EPHA3: variants seen among roughly 807,000 people sequenced by gnomAD.
EPHA3 encodes EPH receptor A3, also known as ephrin type-A receptor 3.
Under a neutral mutation model 107.1 loss-of-function variants are expected in EPHA3, and 42 were observed. That is an observed-to-expected ratio of 0.39 (90% CI 0.31 to 0.51). The LOEUF (loss-of-function observed/expected upper bound fraction) is 0.51, where lower values mean the gene tolerates loss of function less well. Among genes scored for constraint, EPHA3 ranks in the 20% least tolerant of loss-of-function variants. The pLI is 0.78. For missense variants in EPHA3, 1,183 were observed against 1,211.2 expected (o/e 0.98, Z 0.35); for synonymous variants, 461 against 424.8 (o/e 1.09, Z -1.05).
intron 13 of EPHA3, among the ~76,000 whole-genome samples, chr3:89,446,687 C>CT (rs542943619): frequency 0.011 from 1,689 of 147,706 alleles, 34 homozygotes; most frequent in African/African-American, 0.038. Flanking sequence ...ATAGAAAGGG[C>CT]TTTTTTTTTT....
chr3:89,121,064 C>G (rs1341514985), intron 1 of EPHA3, among the ~76,000 whole-genome samples: 2 of 151,808 alleles, frequency 1.3e-5, no homozygotes, highest in Admixed American at 6.6e-5. Flanking sequence ...GCGGTGAAAC[C>G]CCGTCTCTAC....
chr3:89,450,908 A>T (rs1363679388), intron 15 of EPHA3, among the ~76,000 whole-genome samples: 1 of 152,166 alleles, frequency 6.6e-6, no homozygotes, highest in Non-Finnish European at 1.5e-5. Flanking sequence ...TCTCTCTCTA[A>T]ATAAATAAAT....
At chr3:89,317,209 A>G (rs188564308) in intron 3 of EPHA3, among the ~76,000 whole-genome samples, 2 of 151,998 alleles carry the variant, frequency 1.3e-5, no homozygotes, top group Admixed American at 1.3e-4. Flanking sequence ...ACATCTCAAC[A>G]ATTAGATTTT....
At chr3:89,340,528 C>T (rs1322557345) in intron 3 of EPHA3, among the ~76,000 whole-genome samples, 1 of 152,214 alleles carries the variant, frequency 6.6e-6, no homozygotes, top group Non-Finnish European at 1.5e-5. Context: ...TGTTAATATA[C>T]TGCTTGCTGC....
chr3:89,144,636 A>G (rs1438325285), intron 2 of EPHA3, among the ~76,000 whole-genome samples: 1 of 151,674 alleles, frequency 6.6e-6, no homozygotes, highest in African/African-American at 2.4e-5. Context: ...CATTTCTTTT[A>G]CATTTCTTGT....
intron 3 of EPHA3, among the ~76,000 whole-genome samples, chr3:89,312,920 A>AT (rs1416381490): frequency 1.3e-5 from 2 of 151,840 alleles, no homozygotes; most frequent in African/African-American, 2.4e-5. Context: ...TAATCTTGTT[A>AT]TTTTTTATGG....
chr3:89,318,387 T>A lies in EPHA3; in HGVS notation c.815-22529T>A, dbSNP rs571007240. ...AATTTTTTCATCCTTTGATTTGATA[T>A]TTTGGGTGTGGGGCATGGGGGTATG... On this transcript the variant is annotated intron_variant, in intron 3 of 16. Coordinates refer to ENST00000336596, the MANE Select transcript of EPHA3 (RefSeq NM_005233.6). Among the ~76,000 whole-genome samples the A allele has an allele frequency of 2.0e-5, 3 of 152,012 alleles. No individual in the cohort carries two copies. In the East Asian group the frequency reaches 5.8e-4, roughly 29 times the overall value.
chr3:89,266,624 G>T (rs1228201101), intron 3 of EPHA3, among the ~76,000 whole-genome samples: 3 of 151,836 alleles, frequency 2.0e-5, no homozygotes, highest in Non-Finnish European at 4.4e-5. Flanking sequence ...TACATAAGTA[G>T]CATATTCGGT....
chr3:89,325,707 C>A (rs1423859881), intron 3 of EPHA3, among the ~76,000 whole-genome samples: 2 of 152,036 alleles, frequency 1.3e-5, no homozygotes, highest in Admixed American at 1.3e-4. Context: ...TACTGTAGTA[C>A]TTTGTACATA....
At chr3:89,124,325 C>T (rs1285362244) in intron 1 of EPHA3, among the ~76,000 whole-genome samples, 1 of 152,028 alleles carries the variant, frequency 6.6e-6, no homozygotes, top group African/African-American at 2.4e-5. Context: ...TTTGAAATTC[C>T]ATTCATTGTC....
At chr3:89,448,214 A>G (rs764550352) in intron 13 of EPHA3, among the ~76,000 whole-genome samples, 56 of 152,128 alleles carry the variant, frequency 3.7e-4, no homozygotes, top group Non-Finnish European at 7.8e-4. Flanking sequence ...AAATGCAGAC[A>G]CTGGCTACAC....
chr3:89,455,495 T>C (rs1559702832), intron 15 of EPHA3, among the ~76,000 whole-genome samples: 1 of 152,158 alleles, frequency 6.6e-6, no homozygotes, highest in Non-Finnish European at 1.5e-5. Flanking sequence ...TGGTGAGGAC[T>C]TTGAAATATT....
intron 2 of EPHA3, among the ~76,000 whole-genome samples, chr3:89,201,139 A>C (rs1280578756): frequency 6.6e-6 from 1 of 152,198 alleles, no homozygotes; most frequent in Admixed American, 6.5e-5. Context: ...GGCAGAAGGC[A>C]AAAGGGAAGC....
chr3:89,150,438 A>C (rs546879619), intron 2 of EPHA3, among the ~76,000 whole-genome samples: 1 of 152,138 alleles, frequency 6.6e-6, no homozygotes, highest in African/African-American at 2.4e-5. Flanking sequence ...AAAAAAGATA[A>C]ATTTAAAAGG....
intron 3 of EPHA3, among the ~76,000 whole-genome samples, chr3:89,262,029 A>G (rs1412445113): frequency 6.6e-6 from 1 of 152,048 alleles, no homozygotes; most frequent in African/African-American, 2.4e-5. Flanking sequence ...AAGATAACAC[A>G]AAATATGCAA....
At chr3:89,377,668 T>C (rs1309981036) in intron 5 of EPHA3, among the ~76,000 whole-genome samples, 1 of 152,052 alleles carries the variant, frequency 6.6e-6, no homozygotes, top group East Asian at 1.9e-4. Flanking sequence ...CCTAGCTAGG[T>C]GCATTTTGAA....
intron 3 of EPHA3, among the ~76,000 whole-genome samples, chr3:89,332,081 GC>G: frequency 6.6e-6 from 1 of 152,164 alleles, no homozygotes; most frequent in South Asian, 2.1e-4. Flanking sequence ...TCTCGCTCTG[GC>G]CCTTCCCACA....
chr3:89,422,817 C>T (rs901042897), intron 11 of EPHA3, among the ~76,000 whole-genome samples: 10 of 151,288 alleles, frequency 6.6e-5, no homozygotes, highest in African/African-American at 2.4e-4. Flanking sequence ...TTGAAGAAAA[C>T]TTTTCTTAAA....
At chr3:89,309,663 T>G (rs1293821172) in intron 3 of EPHA3, among the ~76,000 whole-genome samples, 1 of 152,158 alleles carries the variant, frequency 6.6e-6, no homozygotes. Flanking sequence ...TTATTATTAT[T>G]CTAATTCATT....
Sources: allele counts gnomAD v4.1 joint callset (sites outside exome capture counted in the v4.1 genomes callset), GRCh38; gene constraint gnomAD v4.1.1; transcripts MANE v1.5; gene names NCBI Gene and HGNC (gene_info 2026-07-23, HGNC 2026-07-21).